The following MBD5 variants were observed in gnomAD, a reference collection of about 807,000 sequenced individuals.
MBD5 encodes the protein methyl-CpG-binding domain protein 5.
MBD5 carries 13 observed loss-of-function variants against 117.3 expected under a neutral mutation model. The observed-to-expected ratio is 0.11, with a 90% CI of 0.07 to 0.18. The LOEUF (loss-of-function observed/expected upper bound fraction) is 0.18. MBD5 is among the 10% of genes least tolerant of loss of function. The pLI is 1.00. For missense variants in MBD5, 1,879 were observed against 2,093.8 expected (o/e 0.90, Z 2.00); for synonymous variants, 727 against 766.4 (o/e 0.95, Z 0.85).
chr2:148,402,024 C>T (rs1045386706), intron 4 of MBD5, among the ~76,000 whole-genome samples: 7 of 151,836 alleles, frequency 4.6e-5, no homozygotes, highest in South Asian at 2.1e-4. Flanking sequence ...ATCCCGTTCT[C>T]GGTGCTTTAT....
intron 8 of MBD5, among the ~76,000 whole-genome samples, chr2:148,476,499 C>T (rs867017900): frequency 1.3e-5 from 2 of 152,210 alleles, no homozygotes; most frequent in African/African-American, 4.8e-5. Context: ...ATTTTAATCA[C>T]TCACAAAACA....
At position 148,206,138 on chromosome 2, in the gene MBD5, TAGAG is replaced by T. The variant is rs534092377; in HGVS notation, c.-830-27103_-830-27100del. 7.7e-3 allele frequency among the ~76,000 whole-genome samples: 1,145 copies of T among 147,832 alleles called. 8 individuals are homozygous for T. The highest frequency in any genetic ancestry group is 0.011 in the Non-Finnish European group (712 of 66,910). Reference sequence around the variant, plus strand: ...GACCCTGTCTCAAAAAAAAAAAAAATAGAGAGACACACACACACTTGTATATGTA... The same window carrying T: ...GACCCTGTCTCAAAAAAAAAAAAAATAGACACACACACACTTGTATATGTA... On this transcript the variant is annotated intron_variant, in intron 2 of 13. Coordinates refer to ENST00000642680, the MANE Select transcript of MBD5 (RefSeq NM_001378120.1).
Position 148,463,722 on chromosome 2 carries a change from G to C in MBD5, c.217-17G>C, listed in dbSNP as rs952743597. 13 of 1,613,294 alleles carry C rather than the reference G, an allele frequency of 8.1e-6. No individual in the cohort carries two copies. The South Asian group carries it at 1.4e-4, about 18-fold the overall frequency. On this transcript the variant is annotated splice_polypyrimidine_tract_variant and intron_variant, in intron 6 of 13. Transcript: ENST00000642680. Reference sequence around the variant, plus strand: ...TTTTTACAGACATATTCTAAACAAAGGCTGTGCTTTTTCCAGGTATTTAAT... The same window carrying C: ...TTTTTACAGACATATTCTAAACAAACGCTGTGCTTTTTCCAGGTATTTAAT...
At position 148,470,372 on chromosome 2, in the gene MBD5, A is replaced by G. The variant is rs754126406; in HGVS notation, c.2429A>G (p.Asn810Ser). ...GCTTTAGGAAATTCCTTACATCCCA[A>G]TCCACCTCAGTCAAGAATTTCAACG... Reference protein sequence around the residue: ...GMALGNSLHPNPPQSRISTSS... With the variant: ...GMALGNSLHPSPPQSRISTSS... The change falls in exon 8 of 14, where the codon AAT (asparagine) becomes AGT (serine). Residue 810 changes from asparagine to serine, a missense_variant. By Grantham distance (46) the Asn-to-Ser change is conservative. Transcript: ENST00000642680. 3 of 1,613,768 alleles carry G rather than the reference A, an allele frequency of 1.9e-6. No individual in the cohort carries two copies. The highest frequency in any genetic ancestry group is 1.3e-5 in the African/African-American group (1 of 75,024).
At chr2:148,305,179 C>G (rs886954536) in intron 3 of MBD5, among the ~76,000 whole-genome samples, 2 of 152,120 alleles carry the variant, frequency 1.3e-5, no homozygotes. Flanking sequence ...ACTAAACAGT[C>G]AGAGTCACTA....
At position 148,443,984 on chromosome 2, in the gene MBD5, A is replaced by G. The variant is rs528869729; in HGVS notation, c.-556-14219A>G. ...TGTGATTATTATGCATTGCATGCCT[A>G]TATGAAAATATCTCATGTAACTCAT... On this transcript the variant is annotated intron_variant, in intron 4 of 13. Coordinates refer to ENST00000642680, the MANE Select transcript of MBD5 (RefSeq NM_001378120.1). 2.2e-3 allele frequency among the ~76,000 whole-genome samples: 337 copies of G among 151,478 alleles called. 17 individuals are homozygous for G. The highest frequency in any genetic ancestry group is 7.7e-3 in the African/African-American group (316 of 40,812).
At chr2:148,367,658 A>T (rs575592685) in intron 4 of MBD5, among the ~76,000 whole-genome samples, 7 of 152,242 alleles carry the variant, frequency 4.6e-5, no homozygotes, top group African/African-American at 1.4e-4. Flanking sequence ...CCATCAAAAA[A>T]TGGGAGAAGT....
Position 148,382,098 on chromosome 2 carries a change from G to A in MBD5, c.-557+39762G>A, listed in dbSNP as rs188861791. ...ACATCATAATGACAGGATCAAATTC[G>A]CACATAACAATACTAACCTCAAATG... On this transcript the variant is annotated intron_variant, in intron 4 of 13. Coordinates refer to ENST00000642680, the MANE Select transcript of MBD5 (RefSeq NM_001378120.1). 3.4e-4 allele frequency among the ~76,000 whole-genome samples: 52 copies of A among 152,112 alleles called. 1 individual carries two copies. In the East Asian group the frequency reaches 8.3e-3, roughly 24 times the overall value.
chr2:148,270,390 T>C (rs1423372162), intron 3 of MBD5, among the ~76,000 whole-genome samples: 1 of 107,272 alleles, frequency 9.3e-6, no homozygotes, highest in Non-Finnish European at 1.9e-5. Context: ...TTACTTCCTT[T>C]CTATTTTTTT....
At chr2:148,185,332 T>A (rs1279876637) in intron 2 of MBD5, among the ~76,000 whole-genome samples, 1 of 152,252 alleles carries the variant, frequency 6.6e-6, no homozygotes, top group East Asian at 1.9e-4. Flanking sequence ...ATATTTCCTA[T>A]AGGAGTTGGT....
intron 11 of MBD5, among the ~76,000 whole-genome samples, chr2:148,495,792 C>G (rs905483937): frequency 2.0e-5 from 3 of 152,170 alleles, no homozygotes; most frequent in Non-Finnish European, 4.4e-5. Flanking sequence ...TCAAAACCAA[C>G]AAAACTTATC....
At chr2:148,128,001 T>C (rs1696943497) in intron 1 of MBD5, among the ~76,000 whole-genome samples, 1 of 152,258 alleles carries the variant, frequency 6.6e-6, no homozygotes, top group South Asian at 2.1e-4. Flanking sequence ...TGAGCTTTTT[T>C]TCATACGTGT....
intron 4 of MBD5, among the ~76,000 whole-genome samples, chr2:148,343,473 G>T (rs1236000007): frequency 1.3e-5 from 2 of 151,992 alleles, no homozygotes; most frequent in Non-Finnish European, 2.9e-5. Flanking sequence ...CATTCTGACT[G>T]GTATGAGAAG....
chr2:148,087,028 G>C (rs1695813250), intron 1 of MBD5, among the ~76,000 whole-genome samples: 1 of 152,170 alleles, frequency 6.6e-6, no homozygotes, highest in Admixed American at 6.5e-5. Flanking sequence ...TAGAGGTAGA[G>C]GGAAGATGAC....
intron 1 of MBD5, among the ~76,000 whole-genome samples, chr2:148,060,416 G>A (rs1250637732): frequency 2.0e-5 from 3 of 151,046 alleles, no homozygotes; most frequent in Non-Finnish European, 2.9e-5. Flanking sequence ...ACATTCTTGT[G>A]ACACTTGATA....
intron 1 of MBD5, among the ~76,000 whole-genome samples, chr2:148,081,978 G>A (rs7592576): frequency 0.42 from 64,367 of 151,892 alleles, 13,794 homozygotes; most frequent in Middle Eastern, 0.55. Flanking sequence ...ATTCACTTCC[G>A]CATGAGTCTA....
At chr2:148,064,437 C>T (rs1369491754) in intron 1 of MBD5, among the ~76,000 whole-genome samples, 3 of 152,168 alleles carry the variant, frequency 2.0e-5, no homozygotes, top group East Asian at 3.9e-4. Context: ...CTTTAAGTAC[C>T]GCCACTACAC....
chr2:148,106,185 T>G (rs1696369333), intron 1 of MBD5, among the ~76,000 whole-genome samples: 1 of 152,062 alleles, frequency 6.6e-6, no homozygotes, highest in Admixed American at 6.6e-5. Context: ...TATTATGGAA[T>G]TGTCTTCTTT....
At chr2:148,082,808 T>G (rs762315859) in intron 1 of MBD5, among the ~76,000 whole-genome samples, 1 of 152,240 alleles carries the variant, frequency 6.6e-6, no homozygotes, top group Admixed American at 6.5e-5. Context: ...TTTTTGCTGG[T>G]GGCCTTGGAA....
Sources: allele counts gnomAD v4.1 joint callset (sites outside exome capture counted in the v4.1 genomes callset), GRCh38; gene constraint gnomAD v4.1.1; transcripts MANE v1.5; gene names NCBI Gene and HGNC (gene_info 2026-07-23, HGNC 2026-07-21).